MMS22L: variants seen among roughly 807,000 people sequenced by gnomAD.
The protein encoded by MMS22L is protein MMS22-like.
In MMS22L, 74 loss-of-function variants were observed where a neutral mutation model predicts 159.1. The ratio of observed to expected loss-of-function variants is 0.47; its 90% CI spans 0.39 to 0.56. The LOEUF (loss-of-function observed/expected upper bound fraction) is 0.56, where lower values mean the gene tolerates loss of function less well. Ranked by LOEUF, MMS22L falls within the 20% of genes least tolerant of loss-of-function variation. MMS22L has a pLI of 0.00. For synonymous variants in MMS22L, 517 were observed against 506.9 expected (o/e 1.02, Z -0.27); for missense variants, 1,351 against 1,422.1 (o/e 0.95, Z 0.80).
intron 21 of MMS22L, 138 bp downstream of exon 21, chr6:97,165,108 T>C: frequency 1.5e-6 from 1 of 665,450 alleles, no homozygotes; most frequent in Non-Finnish European, 2.5e-6. Context: ...AAATCTTAGA[T>C]AATGCTTCTC....
chr6:97,209,220 G>A (rs1287075951), intron 14 of MMS22L, among the ~76,000 whole-genome samples: 1 of 151,800 alleles, frequency 6.6e-6, no homozygotes, highest in Non-Finnish European at 1.5e-5. Context: ...TTATACACAT[G>A]TACGGTTTAC....
At chr6:97,257,892 C>A (rs1426894528) in intron 9 of MMS22L, among the ~76,000 whole-genome samples, 1 of 152,164 alleles carries the variant, frequency 6.6e-6, no homozygotes, top group Non-Finnish European at 1.5e-5. Context: ...AAGATCTTAA[C>A]AAACTATGTA....
intron 22 of MMS22L, among the ~76,000 whole-genome samples, chr6:97,161,172 G>C (rs1802395631): frequency 6.6e-6 from 1 of 151,876 alleles, no homozygotes; most frequent in Non-Finnish European, 1.5e-5. Flanking sequence ...AAATAATGAA[G>C]TCCACTCCTC....
intron 14 of MMS22L, among the ~76,000 whole-genome samples, chr6:97,216,162 T>C (rs1415975692): frequency 1.3e-5 from 2 of 152,206 alleles, no homozygotes; most frequent in Admixed American, 6.5e-5. Context: ...TCATTAAACA[T>C]GTACTCTGAT....
intron 14 of MMS22L, among the ~76,000 whole-genome samples, chr6:97,223,011 A>G (rs945273175): frequency 2.0e-5 from 3 of 152,142 alleles, no homozygotes; most frequent in African/African-American, 7.2e-5. Flanking sequence ...TTGACATTCG[A>G]AGTTTTAAAC....
chr6:97,252,418 G>A (rs1813334816), intron 10 of MMS22L, among the ~76,000 whole-genome samples: 2 of 151,970 alleles, frequency 1.3e-5, no homozygotes, highest in Admixed American at 1.3e-4. Flanking sequence ...ACTGAGGTAG[G>A]CAGATTAACC....
chr6:97,213,556 A>G (rs1808629527), intron 14 of MMS22L, among the ~76,000 whole-genome samples: 1 of 152,214 alleles, frequency 6.6e-6, no homozygotes. Flanking sequence ...AAGTGTTCAT[A>G]GTGGCTCCCT....
At chr6:97,150,977 C>G (rs969109545) in intron 23 of MMS22L, among the ~76,000 whole-genome samples, 2 of 152,216 alleles carry the variant, frequency 1.3e-5, no homozygotes, top group Admixed American at 6.5e-5. Context: ...AGATCTACTT[C>G]TATAAAGTCC....
chr6:97,179,015 G>A (rs1804409549), intron 17 of MMS22L, among the ~76,000 whole-genome samples: 1 of 152,064 alleles, frequency 6.6e-6, no homozygotes, highest in African/African-American at 2.4e-5. Flanking sequence ...TAAAATGGGA[G>A]AGAATTATTC....
Position 97,144,895 on chromosome 6 carries a change from T to C in MMS22L, c.*1911A>G, listed in dbSNP as rs1370040646. ...CTTAAGTACAAATTTTAGTTATTCT[T>C]AGTATCTATAGATATATGTCCTAAA... On this transcript the variant is annotated 3_prime_UTR_variant, in exon 25 of 25. Transcript: ENST00000683635. 1 of 152,050 alleles carries C rather than the reference T, an allele frequency of 6.6e-6. No individual in the cohort carries two copies. The highest frequency in any genetic ancestry group is 1.5e-5 in the Non-Finnish European group (1 of 67,976). 9.4% of individuals were successfully genotyped at this position (152,050 alleles called of 1,614,324 possible).
intron 8 of MMS22L, 46 bp downstream of exon 8, chr6:97,267,826 G>A: frequency 6.6e-7 from 1 of 1,510,394 alleles, no homozygotes; most frequent in East Asian, 2.4e-5. Context: ...ATTAAGGACT[G>A]AATACTGTCT....
chr6:97,243,052 T>C (rs1349731603), intron 11 of MMS22L, among the ~76,000 whole-genome samples: 1 of 152,186 alleles, frequency 6.6e-6, no homozygotes, highest in Non-Finnish European at 1.5e-5. Context: ...ACTATGTGCC[T>C]AAGGTGATTA....
chr6:97,218,581 T>C (rs1809280844), intron 14 of MMS22L, among the ~76,000 whole-genome samples: 1 of 152,174 alleles, frequency 6.6e-6, no homozygotes, highest in Admixed American at 6.5e-5. Context: ...TAGTTAAATT[T>C]GTTGAATAAA....
rs1800762119 is a variant in MMS22L at position 97,143,977 on chromosome 6, G to A, written c.*2829C>T. 6.6e-6 allele frequency: 1 copy of A among 151,870 alleles called. No individual in the cohort carries two copies. The highest frequency in any genetic ancestry group is 2.4e-5 in the African/African-American group (1 of 41,290). The allele number at this position is 151,870 out of a possible 1,614,324, so 9.4% of individuals were successfully genotyped here. A position where few individuals can be genotyped will look rare whatever the true frequency, so the allele number is the denominator to read the frequency against. On this transcript the variant is annotated 3_prime_UTR_variant, in exon 25 of 25. Coordinates refer to ENST00000683635, the MANE Select transcript of MMS22L (RefSeq NM_001350599.2). ...GGGCACCTGTAGTCCCAGCTACTTGGGAGGCTGAGGCAGGAGAATGGCGTG... is the reference window on the plus strand; with the variant it reads ...GGGCACCTGTAGTCCCAGCTACTTGAGAGGCTGAGGCAGGAGAATGGCGTG...
At chr6:97,208,254 T>C (rs774545901) in intron 14 of MMS22L, among the ~76,000 whole-genome samples, 2 of 152,124 alleles carry the variant, frequency 1.3e-5, no homozygotes, top group Admixed American at 6.5e-5. Context: ...TTAGCCTTTA[T>C]TACCACAATG....
chr6:97,174,006 G>A (rs1459606958), intron 18 of MMS22L, among the ~76,000 whole-genome samples: 3 of 152,064 alleles, frequency 2.0e-5, no homozygotes, highest in African/African-American at 7.2e-5. Flanking sequence ...TGTAATCCCA[G>A]CAGTTTGGGA....
rs376237846 is a variant in MMS22L at position 97,209,223 on chromosome 6, C to T, written c.2039+19671G>A. 7.2e-5 allele frequency among the ~76,000 whole-genome samples: 11 copies of T among 152,122 alleles called. No homozygotes were observed. In the East Asian group the frequency reaches 1.7e-3, roughly 24 times the overall value. On this transcript the variant is annotated intron_variant, in intron 14 of 24. Transcript: ENST00000683635. ...ACTTTACACTAGTTATACACATGTA[C>T]GGTTTACTAAAAAATAATTTCCCCA... is the stretch of plus-strand genomic sequence containing the variant.
chr6:97,209,642 A>T (rs2127938778), intron 14 of MMS22L, among the ~76,000 whole-genome samples: 1 of 152,146 alleles, frequency 6.6e-6, no homozygotes, highest in Non-Finnish European at 1.5e-5. Context: ...TTAGTAATCA[A>T]CTATGACATA....
chr6:97,163,906 A>G (rs938497984), intron 21 of MMS22L, among the ~76,000 whole-genome samples: 2 of 152,088 alleles, frequency 1.3e-5, no homozygotes, highest in African/African-American at 2.4e-5. Flanking sequence ...GTATGACACC[A>G]TATGTAATAC....
Sources: allele counts gnomAD v4.1 joint callset (sites outside exome capture counted in the v4.1 genomes callset), GRCh38; gene constraint gnomAD v4.1.1; transcripts MANE v1.5; gene names NCBI Gene and HGNC (gene_info 2026-07-23, HGNC 2026-07-21).